The following FARP1 variants were observed in gnomAD, a reference collection of about 807,000 sequenced individuals.
FARP1 encodes FERM, ARHGEF and pleckstrin domain-containing protein 1.
A neutral mutation model predicts 128.8 loss-of-function variants in FARP1; 52 were observed. That is an observed-to-expected ratio of 0.40 (90% confidence interval 0.32 to 0.51). The LOEUF (loss-of-function observed/expected upper bound fraction) is 0.51. FARP1 is among the 20% of genes least tolerant of loss of function. FARP1 has a pLI of 0.45. For missense variants in FARP1, 1,333 were observed against 1,367.9 expected (o/e 0.97, Z 0.40); for synonymous variants, 580 against 551.8 (o/e 1.05, Z -0.72).
intron 13 of FARP1, 157 bp downstream of exon 13, chr13:98,395,633 A>G: frequency 1.1e-6 from 1 of 917,110 alleles, no homozygotes; most frequent in South Asian, 1.9e-5. Context: ...TATGAGGGTG[A>G]TCTGACCAGC....
intron 1 of FARP1, among the ~76,000 whole-genome samples, chr13:98,146,002 T>G (rs2139069950): frequency 6.6e-6 from 1 of 152,278 alleles, no homozygotes; most frequent in Non-Finnish European, 1.5e-5. Context: ...TTTAATTTAT[T>G]GAACACCTAA....
chr13:98,319,574 T>C (rs939582540), intron 2 of FARP1, among the ~76,000 whole-genome samples: 61 of 152,252 alleles, frequency 4.0e-4, no homozygotes, highest in African/African-American at 1.5e-3. Flanking sequence ...GAGCTGAGAT[T>C]GCGCCACTGC....
chr13:98,282,709 C>T (rs192700561), intron 2 of FARP1, among the ~76,000 whole-genome samples: 1 of 152,102 alleles, frequency 6.6e-6, no homozygotes, highest in Non-Finnish European at 1.5e-5. Context: ...TCGAGACCAT[C>T]CTGGCTAACA....
At chr13:98,240,594 A>G (rs1027413604) in intron 2 of FARP1, among the ~76,000 whole-genome samples, 2 of 152,198 alleles carry the variant, frequency 1.3e-5, no homozygotes, top group African/African-American at 4.8e-5. Context: ...GAAAAAGAAA[A>G]CATTAGAGCT....
In FARP1 at chr13:98,452,986, G is replaced by A; in HGVS notation, c.*4669G>A. On this transcript the variant is annotated 3_prime_UTR_variant, in exon 27 of 27. Transcript: ENST00000319562. ...AGGAGCTGACCCTCCCCACCCATCT[G>A]AGAGACTTCATCTGGCTGCAGCACA... 1.9e-6 allele frequency: 1 copy of A among 536,822 alleles called. No individual in the cohort carries two copies. The highest frequency in any genetic ancestry group is 3.3e-6 in the Non-Finnish European group (1 of 307,632). The allele number at this position is 536,822 out of a possible 1,614,324, so 33.3% of individuals were successfully genotyped here.
Position 98,452,213 on chromosome 13 carries a change from AGAT to A in FARP1, c.*3900_*3902del, listed in dbSNP as rs1357276934. On this transcript the variant is annotated 3_prime_UTR_variant, in exon 27 of 27. Transcript: ENST00000319562. ...GCATTCAGACATTTTTAGGTGGGAAAGATGATATGCAGAATCCACTACAAGGTG... is the reference window on the plus strand; with the variant it reads ...GCATTCAGACATTTTTAGGTGGGAAAGATATGCAGAATCCACTACAAGGTG... 1 of 152,240 alleles carries A rather than the reference AGAT, an allele frequency of 6.6e-6. No individual in the cohort carries two copies. Among genetic ancestry groups the A allele is most frequent in the Non-Finnish European group, 1.5e-5 (1 of 68,042 alleles). The allele number at this position is 152,240 out of a possible 1,614,324, so 9.4% of individuals were successfully genotyped here. A position where few individuals can be genotyped will look rare whatever the true frequency, so the allele number is the denominator to read the frequency against.
intron 10 of FARP1, chr13:98,390,573 A>C: frequency 2.0e-6 from 1 of 497,124 alleles, no homozygotes; most frequent in Non-Finnish European, 3.5e-6. Flanking sequence ...AAACACAGTT[A>C]TCAAGTGGGC....
intron 3 of FARP1, among the ~76,000 whole-genome samples, chr13:98,355,206 A>T (rs9517268): frequency 6.6e-6 from 1 of 152,002 alleles, no homozygotes; most frequent in Non-Finnish European, 1.5e-5. Flanking sequence ...CTAGCCAGGC[A>T]TGGTGGCTCA....
rs183081231 is a variant in FARP1, at chr13:98,210,604, C to G, written c.-23-2616C>G. ...TCGCTCTGTCGCCCAGGCTGGAGTG[C>G]GGTGGCGCGATCTTGGCTCACTGCA... On this transcript the variant is annotated intron_variant, in intron 1 of 26. Coordinates refer to ENST00000319562, the MANE Select transcript of FARP1 (RefSeq NM_005766.4). Among the ~76,000 whole-genome samples, 4 of 150,480 alleles carry G rather than the reference C, an allele frequency of 2.7e-5. 1 individual carries two copies. Among genetic ancestry groups the G allele is most frequent in the African/African-American group, 9.7e-5 (4 of 41,064 alleles).
chr13:98,311,788 G>T (rs183701829), intron 2 of FARP1, among the ~76,000 whole-genome samples: 7 of 152,004 alleles, frequency 4.6e-5, no homozygotes, highest in Admixed American at 4.6e-4. Context: ...GTAATGATGG[G>T]TTTGCCTGCC....
intron 1 of FARP1, among the ~76,000 whole-genome samples, chr13:98,201,296 C>T (rs772632927): frequency 2.6e-5 from 4 of 152,132 alleles, no homozygotes; most frequent in Non-Finnish European, 4.4e-5. Context: ...TAAAAACCTA[C>T]GTGGGCATGG....
chr13:98,279,459 G>A (rs1884826727), intron 2 of FARP1, among the ~76,000 whole-genome samples: 1 of 152,198 alleles, frequency 6.6e-6, no homozygotes, highest in African/African-American at 2.4e-5. Flanking sequence ...CAGCAGTGCT[G>A]AATGGTGGAA....
chr13:98,447,249 C>G (rs148993782), intron 26 of FARP1: 1 of 156,842 alleles, frequency 6.4e-6, no homozygotes, highest in Admixed American at 6.4e-5. Context: ...CATCCCCAAG[C>G]CGACTACTTG....
At chr13:98,234,104 G>A (rs1882293624) in intron 2 of FARP1, 1 of 152,194 alleles carries the variant, frequency 6.6e-6, no homozygotes, top group South Asian at 2.1e-4. Context: ...CATTCTGGCC[G>A]AGTCCTGCAG....
At position 98,384,713 on chromosome 13, in the gene FARP1, T is replaced by C; in HGVS notation, c.497-17T>C. On this transcript the variant is annotated splice_polypyrimidine_tract_variant and intron_variant, in intron 6 of 26. Coordinates refer to ENST00000319562, the MANE Select transcript of FARP1 (RefSeq NM_005766.4). ...GTCATTCCTACGTGACCTGTTTTTC[T>C]TTCTGTTTCTTTTTAGCTGAGATTG... The C allele has an allele frequency of 6.5e-7, 1 of 1,536,678 alleles. No homozygotes were observed. Among genetic ancestry groups the C allele is most frequent in the Non-Finnish European group, 9.0e-7 (1 of 1,109,672 alleles).
At chr13:98,446,271 C>A in intron 25 of FARP1, 66 bp downstream of exon 25, 1 of 1,034,430 alleles carries the variant, frequency 9.7e-7, no homozygotes, top group Non-Finnish European at 1.5e-6. Context: ...GTGAGGGGGC[C>A]GCCCTCCTCT....
chr13:98,391,061 G>A (rs1890285571), intron 11 of FARP1, among the ~76,000 whole-genome samples, 181 bp downstream of exon 11: 1 of 152,068 alleles, frequency 6.6e-6, no homozygotes, highest in Non-Finnish European at 1.5e-5. Flanking sequence ...AGAGCCCAGG[G>A]GCACACCCTC....
At chr13:98,154,504 G>A (rs1297227129) in intron 1 of FARP1, among the ~76,000 whole-genome samples, 7 of 152,286 alleles carry the variant, frequency 4.6e-5, no homozygotes, top group Admixed American at 2.6e-4. Context: ...GGCTGCCTGC[G>A]TTTTGAAGGA....
chr13:98,343,585 G>T (rs1191337042), intron 2 of FARP1, among the ~76,000 whole-genome samples, 177 bp from the exon 3 acceptor site: 1 of 152,230 alleles, frequency 6.6e-6, no homozygotes, highest in Non-Finnish European at 1.5e-5. Context: ...GGAACAGCAG[G>T]TGCTGGGATA....
Sources: allele counts gnomAD v4.1 joint callset (sites outside exome capture counted in the v4.1 genomes callset), GRCh38; gene constraint gnomAD v4.1.1; transcripts MANE v1.5; gene names NCBI Gene and HGNC (gene_info 2026-07-23, HGNC 2026-07-21).